RBFOX1: variants seen among roughly 807,000 people sequenced by gnomAD.
RBFOX1 encodes RNA binding fox-1 homolog 1.
In RBFOX1, 8 loss-of-function variants were observed where a neutral mutation model predicts 57.7. The ratio of observed to expected loss-of-function variants is 0.14; its 90% confidence interval spans 0.08 to 0.25. The LOEUF is 0.25. RBFOX1 is among the 10% of genes least tolerant of loss of function. The pLI, the probability that RBFOX1 is intolerant of heterozygous loss-of-function variation, is 1.00. For synonymous variants in RBFOX1, 326 were observed against 222.4 expected (o/e 1.47, Z -4.15); for missense variants, 611 against 548.5 (o/e 1.11, Z -1.14).
chr16:6,667,940 TA>T (rs911600879), intron 3 of RBFOX1, among the ~76,000 whole-genome samples: 2 of 152,122 alleles, frequency 1.3e-5, no homozygotes, highest in African/African-American at 4.8e-5. Flanking sequence ...TTATTACACT[TA>T]AATCTGCTTT....
At chr16:7,105,764 A>G (rs9673642) in intron 4 of RBFOX1, among the ~76,000 whole-genome samples, 1 of 138,866 alleles carries the variant, frequency 7.2e-6, no homozygotes, top group South Asian at 2.4e-4. Flanking sequence ...ATATATATCT[A>G]TATATCTATG....
intron 1 of RBFOX1, among the ~76,000 whole-genome samples, chr16:5,322,478 C>A (rs552502578): frequency 6.6e-6 from 1 of 152,246 alleles, no homozygotes; most frequent in Admixed American, 6.5e-5. Context: ...TCTGTGGCTG[C>A]CAGTTTCTCA....
At chr16:5,295,236 G>T (rs1197756463) in intron 1 of RBFOX1, among the ~76,000 whole-genome samples, 1 of 152,064 alleles carries the variant, frequency 6.6e-6, no homozygotes, top group East Asian at 1.9e-4. Context: ...CCCAGGACAG[G>T]TCTCCCTGGG....
chr16:7,445,285 T>A (rs949046300), intron 4 of RBFOX1, among the ~76,000 whole-genome samples: 2 of 152,208 alleles, frequency 1.3e-5, no homozygotes, highest in Non-Finnish European at 1.5e-5. Context: ...ACTATGTGTT[T>A]AATATGCATA....
chr16:6,699,008 C>G lies in RBFOX1; in HGVS notation c.-16+44358C>G, dbSNP rs139062741. Among the ~76,000 whole-genome samples, 373 of 152,238 alleles carry G rather than the reference C, an allele frequency of 2.5e-3. 2 individuals are homozygous for G. Among genetic ancestry groups the G allele is most frequent in the Admixed American group, 4.0e-3 (61 of 15,290 alleles). ...TAAAGCTAGAGAATGTGGCGTTGTT[C>G]TTGGTACACATTAGGTACTAAAAAT... On this transcript the variant is annotated intron_variant, in intron 3 of 15. Coordinates refer to ENST00000550418, the MANE Select transcript of RBFOX1 (RefSeq NM_018723.4).
At chr16:6,947,224 T>C (rs1221451308) in intron 3 of RBFOX1, among the ~76,000 whole-genome samples, 2 of 152,158 alleles carry the variant, frequency 1.3e-5, no homozygotes, top group Non-Finnish European at 2.9e-5. Flanking sequence ...CTTTTAGGAA[T>C]TGGCCAAAAT....
chr16:7,633,859 G>A (rs997367330), intron 11 of RBFOX1, among the ~76,000 whole-genome samples: 3 of 152,168 alleles, frequency 2.0e-5, no homozygotes, highest in African/African-American at 7.2e-5. Context: ...GGTCTAGGCT[G>A]TTTGTGGATT....
At chr16:5,945,169 C>T (rs2059376265) in intron 4 of RBFOX1, among the ~76,000 whole-genome samples, 1 of 152,038 alleles carries the variant, frequency 6.6e-6, no homozygotes, top group Non-Finnish European at 1.5e-5. Context: ...CAAGTCATTA[C>T]AGAATTACTC....
At chr16:6,875,654 T>C (rs896357002) in intron 3 of RBFOX1, among the ~76,000 whole-genome samples, 2 of 152,236 alleles carry the variant, frequency 1.3e-5, no homozygotes, top group Non-Finnish European at 2.9e-5. Flanking sequence ...AATTTTAACC[T>C]AGGAGAAGTT....
At chr16:7,508,870 C>T (rs184904303) in intron 4 of RBFOX1, among the ~76,000 whole-genome samples, 4 of 152,310 alleles carry the variant, frequency 2.6e-5, no homozygotes, top group Non-Finnish European at 5.9e-5. Flanking sequence ...ATCTCTCTTT[C>T]CATAGCAAGG....
At chr16:6,804,011 ATTTT>A (rs796697448) in intron 3 of RBFOX1, among the ~76,000 whole-genome samples, 5 of 147,212 alleles carry the variant, frequency 3.4e-5, no homozygotes, top group African/African-American at 4.9e-5. Flanking sequence ...AACTCATACA[ATTTT>A]TTTTTTTTCG....
chr16:6,611,531 C>G (rs1237197757), intron 2 of RBFOX1, among the ~76,000 whole-genome samples: 1 of 152,168 alleles, frequency 6.6e-6, no homozygotes, highest in African/African-American at 2.4e-5. Context: ...GATTCTGGTA[C>G]TCATACAACT....
At chr16:5,483,184 C>A (rs1660361030) in intron 2 of RBFOX1, among the ~76,000 whole-genome samples, 1 of 152,146 alleles carries the variant, frequency 6.6e-6, no homozygotes, top group African/African-American at 2.4e-5. Flanking sequence ...AGTCCAGAGT[C>A]CTTGATGGCT....
At chr16:5,874,739 T>A (rs903812446) in intron 4 of RBFOX1, among the ~76,000 whole-genome samples, 3 of 151,622 alleles carry the variant, frequency 2.0e-5, no homozygotes, top group Non-Finnish European at 2.9e-5. Context: ...GAACCAGGAG[T>A]TTGAGACCAG....
In RBFOX1 at chr16:5,505,828, C is replaced by T. The variant is rs377346309; in HGVS notation, c.258+38574C>T. 2.2e-4 allele frequency among the ~76,000 whole-genome samples: 33 copies of T among 152,256 alleles called. No individual in the cohort carries two copies. In the East Asian group the frequency reaches 5.6e-3, roughly 26 times the overall value. ...AGCTGTCTGGTACCTTCTCCCTAGA[C>T]CGTGGTTTGCGTGTGTGTCTAGAGG... On this transcript the variant is annotated intron_variant, in intron 2 of 2. Coordinates refer to the RBFOX1 transcript ENST00000585867.
At chr16:6,458,747 T>C (rs2094837677) in intron 2 of RBFOX1, among the ~76,000 whole-genome samples, 1 of 152,208 alleles carries the variant, frequency 6.6e-6, no homozygotes, top group South Asian at 2.1e-4. Flanking sequence ...ACGGTATCTG[T>C]GTTAAAGCAA....
At chr16:6,802,569 T>A (rs2085740253) in intron 3 of RBFOX1, among the ~76,000 whole-genome samples, 1 of 152,014 alleles carries the variant, frequency 6.6e-6, no homozygotes, top group South Asian at 2.1e-4. Context: ...CCCAGATACT[T>A]GGGAGGGTGA....
At chr16:7,398,488 A>C (rs142726974) in intron 4 of RBFOX1, among the ~76,000 whole-genome samples, 12 of 152,364 alleles carry the variant, frequency 7.9e-5, no homozygotes, top group African/African-American at 2.9e-4. Context: ...GATAGGCATC[A>C]GTGGTTGAAT....
At chr16:5,708,103 C>T (rs2051319556) in intron 3 of RBFOX1, among the ~76,000 whole-genome samples, 1 of 152,118 alleles carries the variant, frequency 6.6e-6, no homozygotes, top group Admixed American at 6.5e-5. Context: ...TTCGTGGGCT[C>T]TTCCTGGAAC....
Sources: allele counts gnomAD v4.1 joint callset (sites outside exome capture counted in the v4.1 genomes callset), GRCh38; gene constraint gnomAD v4.1.1; transcripts MANE v1.5; gene names NCBI Gene and HGNC (gene_info 2026-07-23, HGNC 2026-07-21).